Variants in SAMD5 observed in about 807,000 individuals in gnomAD.
SAMD5 encodes sterile alpha motif domain containing 5.
In SAMD5, 13 loss-of-function variants were observed where a neutral mutation model predicts 11.3. The observed-to-expected ratio is 1.15, with a 90% CI of 0.75 to 1.83. The LOEUF (loss-of-function observed/expected upper bound fraction) is 1.83, where lower values mean the gene tolerates loss of function less well. Ranked by LOEUF, SAMD5 falls within the 40% of genes most tolerant of loss-of-function variation. The pLI is 0.00. For synonymous variants in SAMD5, 129 were observed against 111.3 expected, an observed-to-expected ratio of 1.16 and a Z score of -1.00; for missense variants, 255 against 239.1, an observed-to-expected ratio of 1.07 and a Z score of -0.44.
chr6:147,625,838 C>T (rs1460713089), intron 1 of SAMD5, among the ~76,000 whole-genome samples: 1 of 152,192 alleles, frequency 6.6e-6, no homozygotes, highest in Non-Finnish European at 1.5e-5. Context: ...TTGTGGCAAA[C>T]TGTGGTAACT....
At chr6:147,533,025 T>TGTC (rs1021089293) in intron 1 of SAMD5, among the ~76,000 whole-genome samples, 2 of 152,062 alleles carry the variant, frequency 1.3e-5, no homozygotes, top group African/African-American at 4.8e-5. Context: ...CCTCCTGTGT[T>TGTC]GTCCTCCCTG....
chr6:147,645,153 A>G (rs2128452770), intron 1 of SAMD5, among the ~76,000 whole-genome samples: 1 of 152,154 alleles, frequency 6.6e-6, no homozygotes. Context: ...GGCTGGGGCA[A>G]CCCCACACGA....
At chr6:147,704,176 T>TG (rs1355243754) in intron 1 of SAMD5, among the ~76,000 whole-genome samples, 1 of 152,174 alleles carries the variant, frequency 6.6e-6, no homozygotes, top group Non-Finnish European at 1.5e-5. Context: ...ATTACAGGCG[T>TG]GAGCCACTGC....
the SAMD5 span, among the ~76,000 whole-genome samples, chr6:147,818,799 G>A: frequency 6.6e-6 from 1 of 152,166 alleles, no homozygotes; most frequent in Admixed American, 6.5e-5. Context: ...AAGAAGGACT[G>A]TGACACCAGC....
intron 1 of SAMD5, among the ~76,000 whole-genome samples, chr6:147,542,838 G>T (rs549838462): frequency 6.6e-5 from 10 of 152,272 alleles, no homozygotes; most frequent in African/African-American, 1.7e-4. Context: ...CATGAAGGAG[G>T]TCTGCTTGGG....
At chr6:147,579,944 A>T (rs1488105144) in intron 1 of SAMD5, among the ~76,000 whole-genome samples, 1 of 152,214 alleles carries the variant, frequency 6.6e-6, no homozygotes, top group Admixed American at 6.5e-5. Context: ...AACTCCTATC[A>T]TCATGGAGAT....
At chr6:147,680,838 G>A (rs1240380119) in intron 1 of SAMD5, among the ~76,000 whole-genome samples, 26 of 152,030 alleles carry the variant, frequency 1.7e-4, no homozygotes, top group Admixed American at 1.5e-3. Context: ...GCATTCCTGG[G>A]TAAACCCCAC....
At chr6:147,860,556 C>G in the SAMD5 span, among the ~76,000 whole-genome samples, 1 of 152,190 alleles carries the variant, frequency 6.6e-6, no homozygotes, top group Non-Finnish European at 1.5e-5. Context: ...TAAAATCCAC[C>G]TGTGCATCTT....
intron 1 of SAMD5, among the ~76,000 whole-genome samples, chr6:147,533,761 C>T (rs573807692): frequency 5.3e-5 from 8 of 152,070 alleles, no homozygotes; most frequent in Non-Finnish European, 1.0e-4. Flanking sequence ...GCTGATGTTG[C>T]GGTCTTGAGA....
At chr6:147,752,010 C>T in the SAMD5 span, among the ~76,000 whole-genome samples, 1 of 152,006 alleles carries the variant, frequency 6.6e-6, no homozygotes, top group African/African-American at 2.4e-5. Flanking sequence ...TCTATCAGAA[C>T]CTTGAAAACA....
At chr6:147,938,177 C>T in the SAMD5 span, among the ~76,000 whole-genome samples, 5 of 152,170 alleles carry the variant, frequency 3.3e-5, no homozygotes, top group South Asian at 2.1e-4. Context: ...CAGTTATATT[C>T]ATCACTAATC....
Position 147,685,910 on chromosome 6 carries a change from AATT to A in SAMD5, c.163-51400_163-51398del, listed in dbSNP as rs557880621. ...TCATAGGTCACTGATCCTGATGCAC[AATT>A]ATTATTTACCTAGTGATTTGTAGGT... On this transcript the variant is annotated intron_variant, in intron 1 of 1. Coordinates refer to the SAMD5 transcript ENST00000566741. Among the ~76,000 whole-genome samples the A allele has an allele frequency of 3.8e-3, 581 of 152,322 alleles. 1 individual carries two copies. The highest frequency in any genetic ancestry group is 0.02 in the Middle Eastern group (6 of 294).
the SAMD5 span, among the ~76,000 whole-genome samples, chr6:147,901,114 C>T: frequency 6.6e-6 from 1 of 152,194 alleles, no homozygotes; most frequent in Non-Finnish European, 1.5e-5. Flanking sequence ...ATCTCTGTGC[C>T]TCAATTTTTT....
At chr6:147,536,952 G>C (rs1002882675) in intron 1 of SAMD5, among the ~76,000 whole-genome samples, 2 of 152,006 alleles carry the variant, frequency 1.3e-5, no homozygotes, top group Non-Finnish European at 2.9e-5. Context: ...TTTTATAGCT[G>C]ATTATACAAT....
chr6:147,590,667 C>T (rs537310006), intron 1 of SAMD5, among the ~76,000 whole-genome samples: 2 of 152,284 alleles, frequency 1.3e-5, no homozygotes, highest in African/African-American at 4.8e-5. Flanking sequence ...CCCGCCTCAG[C>T]CTCCCAGTGC....
At chr6:147,903,931 T>C in the SAMD5 span, among the ~76,000 whole-genome samples, 1 of 151,694 alleles carries the variant, frequency 6.6e-6, no homozygotes, top group Non-Finnish European at 1.5e-5. Context: ...AAAAATCTTC[T>C]AAGATCACTT....
chr6:147,909,580 C>CTT, the SAMD5 span, among the ~76,000 whole-genome samples: 2 of 60,828 alleles, frequency 3.3e-5, no homozygotes, highest in Non-Finnish European at 5.8e-5. Context: ...TTCTTTCTTT[C>CTT]TTTCTTTCTT....
At chr6:147,575,826 G>A (rs780452698) in intron 1 of SAMD5, among the ~76,000 whole-genome samples, 11 of 152,134 alleles carry the variant, frequency 7.2e-5, no homozygotes, top group Non-Finnish European at 1.5e-4. Context: ...CCATTATTCT[G>A]TATTTCATGG....
the SAMD5 span, among the ~76,000 whole-genome samples, chr6:147,778,452 C>T: frequency 6.6e-6 from 1 of 152,184 alleles, no homozygotes; most frequent in Non-Finnish European, 1.5e-5. Flanking sequence ...TTCCAAGCCC[C>T]TCATCCCTTG....
Sources: allele counts gnomAD v4.1 joint callset (sites outside exome capture counted in the v4.1 genomes callset), GRCh38; gene constraint gnomAD v4.1.1; transcripts MANE v1.5; gene names NCBI Gene and HGNC (gene_info 2026-07-23, HGNC 2026-07-21).